MRPL39: variants seen among roughly 807,000 people sequenced by gnomAD.
The protein encoded by MRPL39 is mitochondrial ribosomal protein L39, also known as large ribosomal subunit protein mL39.
In MRPL39, 35 loss-of-function variants were observed where a neutral mutation model predicts 44.5. The ratio of observed to expected loss-of-function variants is 0.79; its 90% CI spans 0.60 to 1.04. MRPL39 has a LOEUF of 1.04. Ranked by LOEUF, MRPL39 falls within the 50% of genes least tolerant of loss-of-function variation. The pLI, the probability that MRPL39 is intolerant of heterozygous loss-of-function variation, is 0.00. For missense variants in MRPL39, 433 were observed against 413.5 expected, an observed-to-expected ratio of 1.05 and a Z score of -0.41; for synonymous variants, 139 against 136.1, an observed-to-expected ratio of 1.02 and a Z score of -0.15.
At chr21:25,604,800 T>C (rs2031616436) in intron 2 of MRPL39, among the ~76,000 whole-genome samples, 1 of 152,200 alleles carries the variant, frequency 6.6e-6, no homozygotes, top group Admixed American at 6.5e-5. Flanking sequence ...CACTCATCAG[T>C]ATATCCAGAG....
At chr21:25,594,171 T>C (rs183957462) in intron 6 of MRPL39, among the ~76,000 whole-genome samples, 2 of 152,224 alleles carry the variant, frequency 1.3e-5, no homozygotes, top group East Asian at 3.9e-4. Context: ...TGGACATTTT[T>C]TGGTCCTCAT....
chr21:25,594,813 C>T (rs1361113748), intron 6 of MRPL39, among the ~76,000 whole-genome samples: 1 of 152,154 alleles, frequency 6.6e-6, no homozygotes, highest in Non-Finnish European at 1.5e-5. Flanking sequence ...TCCACAAGCA[C>T]CTTACCCTGA....
intron 3 of MRPL39, among the ~76,000 whole-genome samples, chr21:25,602,601 C>A (rs949823374): frequency 5.9e-5 from 9 of 152,164 alleles, no homozygotes; most frequent in Admixed American, 2.0e-4. Context: ...TGGTCCCTAT[C>A]TTCACATTCG....
intron 8 of MRPL39, among the ~76,000 whole-genome samples, chr21:25,590,399 C>T (rs1369623905): frequency 2.7e-5 from 4 of 149,956 alleles, no homozygotes; most frequent in Admixed American, 1.3e-4. Context: ...AAAAAAAAAT[C>T]GCAAGAAAAC....
intron 9 of MRPL39, 25 bp from the exon 10 acceptor site, chr21:25,585,779 T>G: frequency 6.5e-7 from 1 of 1,549,730 alleles, no homozygotes; most frequent in South Asian, 1.2e-5. Flanking sequence ...ATAGCTTTAC[T>G]TTCCTAATAA....
At chr21:25,592,046 G>A (rs1229990679) in intron 8 of MRPL39, among the ~76,000 whole-genome samples, 1 of 152,182 alleles carries the variant, frequency 6.6e-6, no homozygotes, top group Admixed American at 6.5e-5. Flanking sequence ...ATTATACTGA[G>A]TGAAAAGTGC....
intron 1 of MRPL39, 134 bp from the exon 2 acceptor site, chr21:25,606,789 A>G: frequency 1.5e-6 from 1 of 651,986 alleles, no homozygotes; most frequent in Non-Finnish European, 2.6e-6. Context: ...TGGCCCAGAT[A>G]CGTGCCTCTA....
intron 9 of MRPL39, among the ~76,000 whole-genome samples, chr21:25,586,999 A>C (rs1044656157): frequency 2.0e-5 from 3 of 152,216 alleles, no homozygotes; most frequent in African/African-American, 7.2e-5. Flanking sequence ...CACAATAAAC[A>C]ATCAGTAAGT....
At chr21:25,593,409 G>T (rs1289020273) in intron 7 of MRPL39, among the ~76,000 whole-genome samples, 3 of 152,224 alleles carry the variant, frequency 2.0e-5, no homozygotes, top group African/African-American at 7.2e-5. Flanking sequence ...TCCAGGTCAT[G>T]AAGTCATTTC....
rs1039929081 is a variant in MRPL39 at position 25,604,584 on chromosome 21, A to T, written c.281-649T>A. Among the ~76,000 whole-genome samples, 3 of 152,198 alleles carry T rather than the reference A, an allele frequency of 2.0e-5. No homozygotes were observed. In the South Asian group the frequency reaches 6.2e-4, roughly 31 times the overall value. On this transcript the variant is annotated intron_variant, in intron 2 of 9. Transcript: ENST00000352957. ...ATGCTTCAAGTTAAATACAGTAGTT[A>T]CCATTTTTTAATAATTAATATTAAC...
intron 9 of MRPL39, among the ~76,000 whole-genome samples, chr21:25,588,468 A>T (rs1328559940): frequency 1.3e-5 from 2 of 152,224 alleles, no homozygotes; most frequent in East Asian, 3.8e-4. Flanking sequence ...CGGCTTTAAA[A>T]TACACCTGAC....
upstream of MRPL39, chr21:25,607,610 T>A (rs2031735740): frequency 5.8e-6 from 5 of 854,982 alleles, no homozygotes; most frequent in Non-Finnish European, 7.1e-6. Context: ...CCGGGGGGCG[T>A]CAGGCCTCGC....
chr21:25,607,510 T>A, upstream of MRPL39: 4 of 1,601,348 alleles, frequency 2.5e-6, no homozygotes, highest in Non-Finnish European at 3.4e-6. Context: ...CAAGTCCTTC[T>A]CCGCCCTCCT....
chr21:25,585,701 A>G lies in MRPL39; in HGVS notation c.*6T>C. The G allele has an allele frequency of 6.8e-7, 1 of 1,474,562 alleles. No homozygotes were observed. The allele number at this position is 1,474,562 out of a possible 1,614,324, so 91.3% of individuals were successfully genotyped here. A position where few individuals can be genotyped will look rare whatever the true frequency, so the allele number is the denominator to read the frequency against. ...TTATTATACATATTTAAATTTTAGA[A>G]AGTTATTAGGTAGATGTACATTCCT... On this transcript the variant is annotated 3_prime_UTR_variant, in exon 10 of 10. Coordinates refer to ENST00000352957, the MANE Select transcript of MRPL39 (RefSeq NM_017446.4).
Position 25,607,415 on chromosome 21 carries a change from C to G in MRPL39, c.61G>C (p.Gly21Arg). ...LRLWLVAPGGGIKWRFIATSS... is the reference protein window; with the variant it reads ...LRLWLVAPGGRIKWRFIATSS... ...CTCTGAAACTCACTCCATTTGATCCCGCCACCGGGTGCGACCAGCCAGAGC... is the reference window on the plus strand; with the variant it reads ...CTCTGAAACTCACTCCATTTGATCCGGCCACCGGGTGCGACCAGCCAGAGC... Residue 21 changes from glycine (G) to arginine (R), a missense_variant, in exon 1 of 10, where the codon GGG (glycine) becomes CGG (arginine). Physicochemically the swap from Gly to Arg is moderately radical, Grantham distance 125. Coordinates refer to ENST00000352957, the MANE Select transcript of MRPL39 (RefSeq NM_017446.4). 6.2e-7 allele frequency: 1 copy of G among 1,613,728 alleles called. No individual in the cohort carries two copies. Among genetic ancestry groups the G allele is most frequent in the Non-Finnish European group, 8.5e-7 (1 of 1,179,978 alleles).
At chr21:25,589,448 C>G (rs1192498079) in intron 8 of MRPL39, among the ~76,000 whole-genome samples, 1 of 144,700 alleles carries the variant, frequency 6.9e-6, no homozygotes, top group Admixed American at 7.0e-5. Flanking sequence ...AATGGAGTTT[C>G]ACTCTGTCGC....
chr21:25,607,342 A>T, intron 1 of MRPL39, 61 bp downstream of exon 1: 1 of 1,592,680 alleles, frequency 6.3e-7, no homozygotes, highest in Admixed American at 1.7e-5. Context: ...CCTCAGACCC[A>T]ATCTAGACAG....
chr21:25,588,190 T>C (rs2031061808), intron 9 of MRPL39, among the ~76,000 whole-genome samples: 1 of 152,010 alleles, frequency 6.6e-6, no homozygotes, highest in Admixed American at 6.5e-5. Flanking sequence ...TGGGCACCCA[T>C]AGTCCCAGCT....
At chr21:25,596,984 C>A (rs1434507833) in intron 6 of MRPL39, among the ~76,000 whole-genome samples, 4 of 152,064 alleles carry the variant, frequency 2.6e-5, no homozygotes, top group Admixed American at 6.5e-5. Context: ...AGAAACACTG[C>A]CAAATACACA....
Sources: allele counts gnomAD v4.1 joint callset (sites outside exome capture counted in the v4.1 genomes callset), GRCh38; gene constraint gnomAD v4.1.1; transcripts MANE v1.5; gene names NCBI Gene and HGNC (gene_info 2026-07-23, HGNC 2026-07-21).